The following LMAN2 variants were observed in gnomAD, a reference collection of about 807,000 sequenced individuals.
LMAN2 encodes lectin, mannose binding 2, also known as vesicular integral-membrane protein VIP36.
LMAN2 carries 22 observed loss-of-function variants against 39.3 expected under a neutral mutation model. That is an observed-to-expected ratio of 0.56 (90% CI 0.40 to 0.80). The LOEUF is 0.80. Ranked by LOEUF, LMAN2 falls within the 30% of genes least tolerant of loss-of-function variation. The pLI, the probability that LMAN2 is intolerant of heterozygous loss-of-function variation, is 0.00. For synonymous variants in LMAN2, 207 were observed against 207.8 expected, an observed-to-expected ratio of 1.00 and a Z score of 0.03; for missense variants, 494 against 505.4, an observed-to-expected ratio of 0.98 and a Z score of 0.22.
chr5:177,345,736 CATTTATTTATTT>C (rs752212044), intron 2 of LMAN2, among the ~76,000 whole-genome samples: 58 of 135,554 alleles, frequency 4.3e-4, no homozygotes, highest in South Asian at 1.2e-3. Flanking sequence ...CCATGGCATG[CATTTATTTATTT>C]ATTTATTTAT....
rs373631490 is a variant in LMAN2, at chr5:177,337,837, T to C, written c.434-52A>G. ...AATGGGAGAAACAGGAGCCGTCCCATGGGTACCTAAAAGGCAAGCAATGCC... is the reference window on the plus strand; with the variant it reads ...AATGGGAGAAACAGGAGCCGTCCCACGGGTACCTAAAAGGCAAGCAATGCC... On this transcript the variant is annotated intron_variant, in intron 3 of 7. Transcript: ENST00000303127. This position sits in a 1 kb window ranked among gnomAD's most constrained non-coding sequence, Gnocchi z 8.2. 17 of 1,554,582 alleles carry C rather than the reference T, an allele frequency of 1.1e-5. No individual in the cohort carries two copies. Among genetic ancestry groups the C allele is most frequent in the Non-Finnish European group, 1.5e-5 (17 of 1,133,506 alleles).
intron 2 of LMAN2, among the ~76,000 whole-genome samples, chr5:177,342,469 G>A (rs1440238895): frequency 6.6e-6 from 1 of 152,210 alleles, no homozygotes; most frequent in Non-Finnish European, 1.5e-5. Flanking sequence ...TGGATCACCA[G>A]AGCGCAGAAG....
In LMAN2 at chr5:177,334,248, C is replaced by T. The variant is rs1226039039; in HGVS notation, c.910+36G>A. ...CTTCACCCCATTCTGGGTCAGGCCG[C>T]CCAGGCCCAGGCAGGGCGGGGCTGT... On this transcript the variant is annotated intron_variant, in intron 7 of 7. Coordinates refer to ENST00000303127, the MANE Select transcript of LMAN2 (RefSeq NM_006816.3). 2.5e-6 allele frequency: 4 copies of T among 1,590,752 alleles called. No homozygotes were observed. The Admixed American group carries it at 6.9e-5, about 27-fold the overall frequency.
intron 7 of LMAN2, 129 bp downstream of exon 7, chr5:177,334,155 G>A (rs995969341): frequency 2.9e-5 from 42 of 1,444,334 alleles, no homozygotes; most frequent in Middle Eastern, 2.6e-4. Context: ...TGCCAGGACC[G>A]GGCTGATCCA....
chr5:177,343,766 G>A (rs1383234574), intron 2 of LMAN2, among the ~76,000 whole-genome samples: 1 of 152,352 alleles, frequency 6.6e-6, no homozygotes, highest in East Asian at 1.9e-4. Flanking sequence ...GAGGTAGAAT[G>A]GTGGTTACCA....
chr5:177,348,455 G>A (rs1166432531), intron 2 of LMAN2, among the ~76,000 whole-genome samples: 1 of 152,114 alleles, frequency 6.6e-6, no homozygotes, highest in Non-Finnish European at 1.5e-5. Context: ...GGGAGGCCGA[G>A]GTGGGCAGAT....
intron 2 of LMAN2, among the ~76,000 whole-genome samples, chr5:177,340,501 G>A (rs1761534775): frequency 6.6e-6 from 1 of 152,104 alleles, no homozygotes; most frequent in Non-Finnish European, 1.5e-5. Flanking sequence ...ATCTTGGCCG[G>A]GTGCAGTGGC....
intron 3 of LMAN2, 140 bp downstream of exon 3, chr5:177,338,348 C>T (rs576652087): frequency 1.0e-5 from 7 of 671,000 alleles, no homozygotes; most frequent in South Asian, 8.6e-5. Context: ...ACTTTATCCA[C>T]GGGAGGCAGC....
intron 2 of LMAN2, among the ~76,000 whole-genome samples, chr5:177,341,258 G>T (rs914647711): frequency 2.6e-5 from 4 of 151,586 alleles, no homozygotes; most frequent in African/African-American, 9.7e-5. Context: ...TAGAGACGGG[G>T]TTTCTCCATG....
chr5:177,338,479 C>G lies in LMAN2; in HGVS notation c.433+9G>C. On this transcript the variant is annotated intron_variant, in intron 3 of 7. Transcript: ENST00000303127. ...CCCACAGGGCCCAGCTGAGCGAACA[C>G]CAGCCCACCTGGCACGAGGCGGTCC... 1 of 1,610,948 alleles carries G rather than the reference C, an allele frequency of 6.2e-7. No individual in the cohort carries two copies. The highest frequency in any genetic ancestry group is 8.5e-7 in the Non-Finnish European group (1 of 1,177,274).
intron 2 of LMAN2, among the ~76,000 whole-genome samples, chr5:177,343,837 A>T (rs983306359): frequency 6.6e-6 from 1 of 152,162 alleles, no homozygotes; most frequent in African/African-American, 2.4e-5. Context: ...GGATGAGCAA[A>T]GAGTTCTGGA....
At position 177,337,963 on chromosome 5, in the gene LMAN2, G is replaced by A. The variant is rs551603539; in HGVS notation, c.434-178C>T. 1.3e-5 allele frequency among the ~76,000 whole-genome samples: 2 copies of A among 152,058 alleles called. No individual in the cohort carries two copies. Among genetic ancestry groups the A allele is most frequent in the African/African-American group, 4.8e-5 (2 of 41,470 alleles). ...GAGGCTTTCTCCTCAGAAGTGGGGG[G>A]TCTAGGCATATGACACAGAGGACTC... On this transcript the variant is annotated intron_variant, in intron 3 of 7. Coordinates refer to ENST00000303127, the MANE Select transcript of LMAN2 (RefSeq NM_006816.3). The surrounding 1 kb of genome is among the most constrained non-coding windows in gnomAD (Gnocchi z 8.2).
rs1220607277 is a variant in LMAN2, at chr5:177,331,680, G to A, written c.*406C>T. On this transcript the variant is annotated 3_prime_UTR_variant, in exon 8 of 8. Transcript: ENST00000303127. ...CAGCTCAGGGTGAACAGGAAGGCCTGGGTTTCCCAGTTCAGGCCTTATCCG... is the reference window on the plus strand; with the variant it reads ...CAGCTCAGGGTGAACAGGAAGGCCTAGGTTTCCCAGTTCAGGCCTTATCCG... The A allele has an allele frequency of 1.9e-5, 3 of 159,706 alleles. No individual in the cohort carries two copies. In the East Asian group the frequency reaches 5.4e-4, roughly 29 times the overall value. 9.9% of individuals were successfully genotyped at this position (159,706 alleles called of 1,614,324 possible).
chr5:177,334,482 AGCT>A, intron 6 of LMAN2, 79 bp from the exon 7 acceptor site: 1 of 1,528,296 alleles, frequency 6.5e-7, no homozygotes, highest in Non-Finnish European at 8.8e-7. Context: ...CCACAAGGAA[AGCT>A]GCTGCTGCAG....
At chr5:177,345,197 T>G (rs1431110350) in intron 2 of LMAN2, among the ~76,000 whole-genome samples, 1 of 149,798 alleles carries the variant, frequency 6.7e-6, no homozygotes, top group Non-Finnish European at 1.5e-5. Flanking sequence ...AAAAAAAAAT[T>G]AGCCAGGCAT....
At chr5:177,350,305 G>C (rs1359399968) in intron 2 of LMAN2, among the ~76,000 whole-genome samples, 1 of 152,184 alleles carries the variant, frequency 6.6e-6, no homozygotes, top group African/African-American at 2.4e-5. Context: ...CCATGGGAAG[G>C]GCTGAGATTA....
chr5:177,332,211 C>T lies in LMAN2; in HGVS notation c.946G>A (p.Gly316Arg), dbSNP rs757977161. Reference protein sequence around the residue: ...VDDPTGNFRSGPLTGWRVFLL... With the variant: ...VDDPTGNFRSRPLTGWRVFLL... ...AACACCCGCCACCCCGTCAGGGGCCCGCTGCGGAAGTTCCCCGTGGGGTCG... is the reference window on the plus strand; with the variant it reads ...AACACCCGCCACCCCGTCAGGGGCCTGCTGCGGAAGTTCCCCGTGGGGTCG... Residue 316 changes from glycine to arginine, a missense_variant, in exon 8 of 8, where the codon GGG (glycine) becomes AGG (arginine). Coordinates refer to ENST00000303127, the MANE Select transcript of LMAN2 (RefSeq NM_006816.3). The surrounding 1 kb of genome is among the most constrained non-coding windows in gnomAD (Gnocchi z 6.3). 8.1e-6 allele frequency: 13 copies of T among 1,613,204 alleles called. No homozygotes were observed. Among genetic ancestry groups the T allele is most frequent in the Non-Finnish European group, 1.1e-5 (13 of 1,179,844 alleles).
At chr5:177,336,344 A>G (rs1761469535) in intron 6 of LMAN2, among the ~76,000 whole-genome samples, 1 of 152,190 alleles carries the variant, frequency 6.6e-6, no homozygotes, top group African/African-American at 2.4e-5. Flanking sequence ...GCTGGCACAG[A>G]GGCCCTGGCG....
chr5:177,341,594 C>T (rs1284147109), intron 2 of LMAN2, among the ~76,000 whole-genome samples: 1 of 152,116 alleles, frequency 6.6e-6, no homozygotes, highest in Non-Finnish European at 1.5e-5. Flanking sequence ...TATTTTGAGA[C>T]AAACAAACAA....
Sources: allele counts gnomAD v4.1 joint callset (sites outside exome capture counted in the v4.1 genomes callset), GRCh38; gene constraint gnomAD v4.1.1; non-coding constraint Gnocchi (gnomAD v3.1); transcripts MANE v1.5; gene names NCBI Gene and HGNC (gene_info 2026-07-23, HGNC 2026-07-21).